The following ADGB variants were observed in gnomAD, a reference collection of about 807,000 sequenced individuals.
ADGB encodes androglobin.
A neutral mutation model predicts 210.5 loss-of-function variants in ADGB; 172 were observed. That is an observed-to-expected ratio of 0.82 (90% CI 0.72 to 0.93). The LOEUF (loss-of-function observed/expected upper bound fraction) is 0.93. Among genes scored for constraint, ADGB ranks in the 40% least tolerant of loss-of-function variants. The pLI, the probability that ADGB is intolerant of heterozygous loss-of-function variation, is 0.00. For missense variants in ADGB, 2,025 were observed against 1,964.8 expected (o/e 1.03, Z -0.58); for synonymous variants, 658 against 662.7 (o/e 0.99, Z 0.11).
intron 2 of ADGB, among the ~76,000 whole-genome samples, chr6:146,640,186 T>G (rs1037181470): frequency 6.6e-5 from 10 of 151,954 alleles, no homozygotes; most frequent in Non-Finnish European, 1.5e-4. Flanking sequence ...CCTGGACACA[T>G]ACACCCTCCT....
rs140279039 is a variant in ADGB at position 146,685,247 on chromosome 6, T to G, written c.1217-487T>G. Reference sequence around the variant, plus strand: ...CAGCATTAAACATTTCAAACTAAATTATTTATGCCTTACTTCTTCATGGAA... The same window carrying G: ...CAGCATTAAACATTTCAAACTAAATGATTTATGCCTTACTTCTTCATGGAA... On this transcript the variant is annotated intron_variant, in intron 9 of 35. Coordinates refer to ENST00000397944, the MANE Select transcript of ADGB (RefSeq NM_024694.4). Among the ~76,000 whole-genome samples, 273 of 152,190 alleles carry G rather than the reference T, an allele frequency of 1.8e-3. 4 individuals carry two copies. The East Asian group carries it at 0.027, about 15-fold the overall frequency.
intron 12 of ADGB, among the ~76,000 whole-genome samples, chr6:146,696,951 T>A (rs974491465): frequency 6.6e-6 from 1 of 152,198 alleles, no homozygotes; most frequent in Non-Finnish European, 1.5e-5. Context: ...TCTTACCTAC[T>A]TTAATCATTA....
chr6:146,787,593 C>T (rs568542383), intron 32 of ADGB, among the ~76,000 whole-genome samples: 6 of 152,088 alleles, frequency 3.9e-5, no homozygotes, highest in South Asian at 2.1e-4. Context: ...TTTAGGGAAT[C>T]GACTTTTGAC....
At chr6:146,691,445 A>ATATAT (rs1419237911) in intron 11 of ADGB, among the ~76,000 whole-genome samples, 155 bp downstream of exon 11, 12 of 16,440 alleles carry the variant, frequency 7.3e-4, no homozygotes, top group African/African-American at 3.2e-3. Context: ...TATATATAAA[A>ATATAT]ATATATATAT....
Position 146,676,446 on chromosome 6 carries a change from G to A in ADGB, c.1216+5G>A. 1 of 1,378,508 alleles carries A rather than the reference G, an allele frequency of 7.3e-7. No homozygotes were observed. The highest frequency in any genetic ancestry group is 9.5e-7 in the Non-Finnish European group (1 of 1,056,650). The allele number at this position is 1,378,508 out of a possible 1,614,324, so 85.4% of individuals were successfully genotyped here. A position where few individuals can be genotyped will look rare whatever the true frequency, so the allele number is the denominator to read the frequency against. ...CTGTGCAGTCCCTATCAGATTGTAA[G>A]CTCCTAATTTCTTAGAATAATAACT... On this transcript the variant is annotated splice_donor_5th_base_variant and intron_variant, in intron 9 of 35. Transcript: ENST00000397944.
At chr6:146,746,514 A>G (rs7744790) in intron 26 of ADGB, among the ~76,000 whole-genome samples, 75,139 of 151,906 alleles carry the variant, frequency 0.49, 19,893 homozygotes, top group African/African-American at 0.68. Context: ...ACTCTCTTTC[A>G]TTAATCAGTC....
At chr6:146,757,832 G>A (rs192174894) in intron 27 of ADGB, among the ~76,000 whole-genome samples, 5 of 152,086 alleles carry the variant, frequency 3.3e-5, no homozygotes, top group Admixed American at 3.3e-4. Context: ...TCTTCATCCT[G>A]TCCTATTAAC....
At chr6:146,664,504 AT>A in intron 6 of ADGB, 164 bp downstream of exon 6, 1 of 626,844 alleles carries the variant, frequency 1.6e-6, no homozygotes, top group Non-Finnish European at 2.4e-6. Flanking sequence ...AAAACCACTG[AT>A]TTTTTCTATT....
chr6:146,611,495 G>A (rs1292812580), intron 1 of ADGB, among the ~76,000 whole-genome samples: 2 of 152,138 alleles, frequency 1.3e-5, no homozygotes, highest in Non-Finnish European at 1.5e-5. Context: ...TTTGGGCATC[G>A]TGAGGTCTCC....
rs1562290593 is a variant in ADGB at position 146,745,958 on chromosome 6, GAC to G, written c.3218_3219del (p.Thr1073IlefsTer43). ...TTTTGTGGCGGAAGCATTTACAGGC[GAC>G]ACATATGTAGCAGCCTCACGATGGA... ...YTFVAEAFTG[D>X]TYVAASRWKL... On this transcript the variant is annotated frameshift_variant, in exon 26 of 36. Transcript: ENST00000397944. LOFTEE classifies it high-confidence loss of function. 6.5e-7 allele frequency: 1 copy of G among 1,549,844 alleles called. No homozygotes were observed. The highest frequency in any genetic ancestry group is 8.7e-7 in the Non-Finnish European group (1 of 1,146,184).
rs1778142868 is a variant in ADGB, at chr6:146,802,017, T to A, written c.4818+6T>A. 2.0e-6 allele frequency: 3 copies of A among 1,520,554 alleles called. No individual in the cohort carries two copies. The highest frequency in any genetic ancestry group is 2.6e-6 in the Non-Finnish European group (3 of 1,135,188). The allele number at this position is 1,520,554 out of a possible 1,614,324, so 94.2% of individuals were successfully genotyped here. ...ATATGTATAAGGAAATGCAGGTGAG[T>A]CTAAAAGCACATACATAGATTATAG... On this transcript the variant is annotated splice_donor_region_variant and intron_variant, in intron 35 of 35. Transcript: ENST00000397944.
chr6:146,604,194 G>A (rs1284502976), intron 1 of ADGB, among the ~76,000 whole-genome samples: 1 of 152,180 alleles, frequency 6.6e-6, no homozygotes, highest in African/African-American at 2.4e-5. Flanking sequence ...CGAGGACTTT[G>A]ATTGTACATT....
At chr6:146,631,301 C>T (rs1781061083) in intron 1 of ADGB, among the ~76,000 whole-genome samples, 1 of 152,120 alleles carries the variant, frequency 6.6e-6, no homozygotes, top group African/African-American at 2.4e-5. Flanking sequence ...TTTGCATGTG[C>T]TGAATAAGAG....
At chr6:146,681,788 T>C (rs1430437006) in intron 9 of ADGB, among the ~76,000 whole-genome samples, 1 of 152,132 alleles carries the variant, frequency 6.6e-6, no homozygotes, top group Non-Finnish European at 1.5e-5. Context: ...CATTGTCTGG[T>C]AGGAAGTGGG....
intron 6 of ADGB, among the ~76,000 whole-genome samples, chr6:146,664,857 A>G (rs926651347): frequency 2.6e-5 from 4 of 152,032 alleles, no homozygotes; most frequent in Non-Finnish European, 5.9e-5. Context: ...TTTCTTCAGT[A>G]TTCTTACAAA....
chr6:146,660,706 T>G (rs1228448524), intron 5 of ADGB, among the ~76,000 whole-genome samples: 30 of 152,198 alleles, frequency 2.0e-4, no homozygotes, highest in Admixed American at 2.0e-3. Context: ...AAATTTCATC[T>G]TTATGTATAT....
At chr6:146,730,283 A>C (rs1475646469) in intron 20 of ADGB, among the ~76,000 whole-genome samples, 1 of 152,196 alleles carries the variant, frequency 6.6e-6, no homozygotes, top group Non-Finnish European at 1.5e-5. Context: ...AAGAAAAGGA[A>C]AACAATTTAC....
At chr6:146,811,185 G>A (rs1778297413) in intron 35 of ADGB, among the ~76,000 whole-genome samples, 2 of 151,948 alleles carry the variant, frequency 1.3e-5, no homozygotes, top group South Asian at 2.1e-4. Context: ...TATTTTGAAT[G>A]TTTCCATATT....
chr6:146,727,975 GTTGTT>G lies in ADGB; in HGVS notation c.2353-581_2353-577del, dbSNP rs928462740. The stretch of plus-strand genomic sequence containing the variant: ...CATGGTGCCCTCTAAGGGGAAAAAA[GTTGTT>G]TTGTTTTGTTTTGTTTTTTCCAATT... On this transcript the variant is annotated intron_variant, in intron 19 of 35. Transcript: ENST00000397944. 8.5e-5 allele frequency among the ~76,000 whole-genome samples: 13 copies of G among 152,136 alleles called. No homozygotes were observed. In the East Asian group the frequency reaches 9.6e-4, roughly 11 times the overall value.
Sources: allele counts gnomAD v4.1 joint callset (sites outside exome capture counted in the v4.1 genomes callset), GRCh38; gene constraint gnomAD v4.1.1; transcripts MANE v1.5; gene names NCBI Gene and HGNC (gene_info 2026-07-23, HGNC 2026-07-21).